Variants in CHODL observed in about 807,000 individuals in gnomAD.
CHODL encodes the protein transmembrane protein MT75.
Under a neutral mutation model 34.5 loss-of-function variants are expected in CHODL, and 29 were observed. The observed-to-expected ratio is 0.84, with a 90% CI of 0.63 to 1.15. The LOEUF is 1.15. Ranked by LOEUF, CHODL falls within the 50% of genes most tolerant of loss-of-function variation. The pLI is 0.00. For missense variants in CHODL, 332 were observed against 332.5 expected (o/e 1.00, Z 0.01); for synonymous variants, 125 against 116.1 (o/e 1.08, Z -0.49).
intron 2 of CHODL, among the ~76,000 whole-genome samples, chr21:18,028,434 C>T (rs981524264): frequency 4.0e-5 from 6 of 151,836 alleles, no homozygotes; most frequent in Admixed American, 2.0e-4. Context: ...CGGTGGCTCA[C>T]GCCTGTAATC....
intron 2 of CHODL, among the ~76,000 whole-genome samples, chr21:18,081,687 GAAA>G (rs34292856): frequency 1.2e-5 from 1 of 83,634 alleles, no homozygotes; most frequent in South Asian, 3.5e-4. Flanking sequence ...ATCTCAAAAA[GAAA>G]AAAAAAAAAA....
At chr21:18,196,240 T>G (rs2146701153) in intron 2 of CHODL, among the ~76,000 whole-genome samples, 1 of 152,352 alleles carries the variant, frequency 6.6e-6, no homozygotes, top group East Asian at 1.9e-4. Flanking sequence ...GATATTCTAA[T>G]AAGCTCTTAT....
chr21:18,081,827 C>A (rs1260495778), intron 2 of CHODL, among the ~76,000 whole-genome samples: 2 of 151,906 alleles, frequency 1.3e-5, no homozygotes, highest in East Asian at 3.9e-4. Flanking sequence ...AGATATGTTT[C>A]TTCTGTGGCT....
chr21:18,114,964 A>G (rs2065394704), intron 2 of CHODL: 1 of 152,252 alleles, frequency 6.6e-6, no homozygotes, highest in South Asian at 2.1e-4. Context: ...ACACTAGCAG[A>G]AGAATTGCCA....
intron 2 of CHODL, among the ~76,000 whole-genome samples, chr21:18,168,066 G>A (rs372142739): frequency 4.6e-5 from 7 of 152,110 alleles, no homozygotes; most frequent in Middle Eastern, 3.4e-3. Flanking sequence ...CTCAAATATC[G>A]GACTCCAAGT....
At chr21:18,121,849 C>T (rs1158531677) in intron 2 of CHODL, among the ~76,000 whole-genome samples, 1 of 152,148 alleles carries the variant, frequency 6.6e-6, no homozygotes, top group Non-Finnish European at 1.5e-5. Flanking sequence ...ATCTTTACGT[C>T]ATCAACTAAT....
chr21:18,091,296 T>G (rs1469570253), intron 2 of CHODL, among the ~76,000 whole-genome samples: 1 of 152,190 alleles, frequency 6.6e-6, no homozygotes, highest in African/African-American at 2.4e-5. Context: ...ACACAAGGAC[T>G]GCAATGACTA....
chr21:18,133,576 T>A (rs1271713758), intron 2 of CHODL, among the ~76,000 whole-genome samples: 1 of 152,002 alleles, frequency 6.6e-6, no homozygotes, highest in African/African-American at 2.4e-5. Context: ...GCAAACAGAG[T>A]TCCCTTGTGG....
chr21:18,142,585 C>A (rs1215200442), intron 2 of CHODL, among the ~76,000 whole-genome samples: 1 of 152,114 alleles, frequency 6.6e-6, no homozygotes. Context: ...TTACGGTAGA[C>A]CAGCTTGGGT....
At chr21:17,954,016 A>T (rs563875847) in intron 1 of CHODL, among the ~76,000 whole-genome samples, 21 of 145,432 alleles carry the variant, frequency 1.4e-4, no homozygotes, top group East Asian at 6.3e-4. Context: ...CTCAAAAAAA[A>T]TTTTTTTAAA....
At chr21:18,129,819 T>C (rs1050056009) in intron 2 of CHODL, among the ~76,000 whole-genome samples, 1 of 152,108 alleles carries the variant, frequency 6.6e-6, no homozygotes, top group African/African-American at 2.4e-5. Flanking sequence ...TGCTTGGCAG[T>C]TGCAGTGCAA....
At chr21:18,147,567 T>A (rs533195515) in intron 2 of CHODL, among the ~76,000 whole-genome samples, 1 of 152,390 alleles carries the variant, frequency 6.6e-6, no homozygotes, top group Admixed American at 6.5e-5. Flanking sequence ...CTCAACTTTG[T>A]CATATAAATT....
intron 1 of CHODL, among the ~76,000 whole-genome samples, chr21:18,017,953 A>G (rs1014187764): frequency 6.6e-6 from 1 of 152,342 alleles, no homozygotes; most frequent in South Asian, 2.1e-4. Flanking sequence ...GATGTGGGAC[A>G]TGGAGTCAAA....
At chr21:18,056,476 CTT>C (rs34378503) in intron 2 of CHODL, among the ~76,000 whole-genome samples, 8 of 141,944 alleles carry the variant, frequency 5.6e-5, no homozygotes, top group Admixed American at 2.1e-4. Flanking sequence ...TATTTTCCTT[CTT>C]TTTTTTTTTT....
chr21:18,002,238 AACTT>A (rs2063913540), intron 1 of CHODL, among the ~76,000 whole-genome samples: 1 of 152,176 alleles, frequency 6.6e-6, no homozygotes, highest in Admixed American at 6.5e-5. Context: ...AAATGATTAA[AACTT>A]AATACTGACC....
intron 2 of CHODL, among the ~76,000 whole-genome samples, chr21:18,036,098 T>C (rs993263618): frequency 1.3e-5 from 2 of 152,042 alleles, no homozygotes; most frequent in South Asian, 2.1e-4. Context: ...TTTTATCTAT[T>C]AGAGTCTTGC....
At chr21:18,108,692 A>G (rs983357407) in intron 2 of CHODL, among the ~76,000 whole-genome samples, 1 of 152,324 alleles carries the variant, frequency 6.6e-6, no homozygotes, top group South Asian at 2.1e-4. Flanking sequence ...AAATTTGGTC[A>G]TTCCACTGGA....
chr21:18,019,896 T>A (rs2064111807), intron 1 of CHODL, among the ~76,000 whole-genome samples: 1 of 151,970 alleles, frequency 6.6e-6, no homozygotes, highest in African/African-American at 2.4e-5. Context: ...CTCATAAGAC[T>A]CTAAAAGCTT....
intron 2 of CHODL, among the ~76,000 whole-genome samples, chr21:18,231,592 G>A (rs1336022253): frequency 6.6e-6 from 1 of 152,132 alleles, no homozygotes; most frequent in Non-Finnish European, 1.5e-5. Context: ...ATTGAAAAGA[G>A]TATCTGATAC....
Sources: allele counts gnomAD v4.1 joint callset (sites outside exome capture counted in the v4.1 genomes callset), GRCh38; gene constraint gnomAD v4.1.1; transcripts MANE v1.5; gene names NCBI Gene and HGNC (gene_info 2026-07-23, HGNC 2026-07-21).